MGAT5: variants seen among roughly 807,000 people sequenced by gnomAD.
MGAT5 encodes alpha-1,6-mannosylglycoprotein 6-beta-N-acetylglucosaminyltransferase.
A neutral mutation model predicts 94.3 loss-of-function variants in MGAT5; 30 were observed. That is an observed-to-expected ratio of 0.32 (90% CI 0.24 to 0.43). MGAT5 has a LOEUF of 0.43. Among genes scored for constraint, MGAT5 ranks in the 20% least tolerant of loss-of-function variants. The probability of loss-of-function intolerance (pLI) is 1.00; values close to 1 mark genes in which losing one functional copy is unlikely to be tolerated. For synonymous variants in MGAT5, 310 were observed against 322.9 expected, an observed-to-expected ratio of 0.96 and a Z score of 0.43; for missense variants, 691 against 905.5, an observed-to-expected ratio of 0.76 and a Z score of 3.04.
intron 10 of MGAT5, among the ~76,000 whole-genome samples, chr2:134,397,983 A>G (rs1347579722): frequency 6.6e-6 from 1 of 152,208 alleles, no homozygotes; most frequent in East Asian, 1.9e-4. Flanking sequence ...TAAATAAAAA[A>G]TAGGATTCAT....
intron 12 of MGAT5, among the ~76,000 whole-genome samples, chr2:134,414,344 A>G (rs539411066): frequency 6.6e-6 from 1 of 152,172 alleles, no homozygotes; most frequent in African/African-American, 2.4e-5. Context: ...CCGTGAACCT[A>G]TTCTTTTGAA....
At chr2:134,326,838 A>G (rs985798145) in intron 4 of MGAT5, among the ~76,000 whole-genome samples, 1 of 152,118 alleles carries the variant, frequency 6.6e-6, no homozygotes, top group Non-Finnish European at 1.5e-5. Context: ...GAAGGTGAGA[A>G]AATGATGTTG....
At chr2:134,162,315 T>C (rs1277260712) in intron 1 of MGAT5, among the ~76,000 whole-genome samples, 1 of 152,186 alleles carries the variant, frequency 6.6e-6, no homozygotes, top group East Asian at 1.9e-4. Context: ...GGTTGTCAGC[T>C]GAAACTCTGG....
At chr2:134,380,565 G>A (rs76229677) in intron 10 of MGAT5, among the ~76,000 whole-genome samples, 4,674 of 152,256 alleles carry the variant, frequency 0.031, 99 homozygotes, top group African/African-American at 0.052. Context: ...GTGAGCTTCC[G>A]TTTCTTCATC....
chr2:134,271,078 C>T (rs1248304594), intron 2 of MGAT5, among the ~76,000 whole-genome samples: 3 of 152,212 alleles, frequency 2.0e-5, no homozygotes, highest in East Asian at 1.9e-4. Flanking sequence ...CACTCATGTA[C>T]ACCACCATGC....
Position 134,362,425 on chromosome 2 carries a change from G to C in MGAT5, c.1380+17G>C. ...TTCTGGAAGGTGAGTCAGTCTGTGC[G>C]TGTCTCTCTCTCTGAAAAGAAGCTT... On this transcript the variant is annotated intron_variant, in intron 10 of 15. Transcript: ENST00000281923. The C allele has an allele frequency of 6.2e-7, 1 of 1,607,668 alleles. No individual in the cohort carries two copies. Among genetic ancestry groups the C allele is most frequent in the Non-Finnish European group, 8.5e-7 (1 of 1,177,866 alleles).
At chr2:134,403,166 A>ATT in intron 11 of MGAT5, 29 bp downstream of exon 11, 1 of 1,577,476 alleles carries the variant, frequency 6.3e-7, no homozygotes, top group Non-Finnish European at 8.6e-7. Context: ...TGTGGTGTTC[A>ATT]GGTTATTGCC....
In MGAT5 at chr2:134,452,012, T is replaced by TG. The variant is rs1417772638; in HGVS notation, c.*3166dup. On this transcript the variant is annotated 3_prime_UTR_variant, in exon 16 of 16. Transcript: ENST00000281923. ...TTTAGTGATATTTGTTTCCTTGATG[T>TG]GCCTTTTCGTTTTTCTTTGGGGTTT... The TG allele has an allele frequency of 6.6e-6, 1 of 152,252 alleles. No homozygotes were observed. The highest frequency in any genetic ancestry group is 2.4e-5 in the African/African-American group (1 of 41,464). 9.4% of individuals were successfully genotyped at this position (152,252 alleles called of 1,614,324 possible). A position where few individuals can be genotyped will look rare whatever the true frequency, so the allele number is the denominator to read the frequency against.
intron 4 of MGAT5, among the ~76,000 whole-genome samples, chr2:134,330,504 C>T (rs1687895553): frequency 6.6e-6 from 1 of 150,940 alleles, no homozygotes; most frequent in South Asian, 2.1e-4. Flanking sequence ...TCCCATGTAA[C>T]ATGTTGCTAG....
chr2:134,419,871 A>G (rs1258798150), intron 12 of MGAT5, among the ~76,000 whole-genome samples: 2 of 152,230 alleles, frequency 1.3e-5, no homozygotes, highest in South Asian at 2.1e-4. Context: ...AGTGACATTG[A>G]TGGCAACTTT....
intron 2 of MGAT5, among the ~76,000 whole-genome samples, chr2:134,278,162 G>A (rs1221516254): frequency 6.6e-6 from 1 of 152,166 alleles, no homozygotes; most frequent in Admixed American, 6.5e-5. Context: ...TGTTGGTATA[G>A]TTTTCACTTT....
At chr2:134,312,172 C>T (rs1037474721) in intron 2 of MGAT5, among the ~76,000 whole-genome samples, 1 of 152,150 alleles carries the variant, frequency 6.6e-6, no homozygotes, top group Admixed American at 6.5e-5. Flanking sequence ...ATTGCTTGAA[C>T]CTGGGAGGCT....
chr2:134,164,609 C>T (rs1235332401), intron 1 of MGAT5, among the ~76,000 whole-genome samples: 1 of 152,108 alleles, frequency 6.6e-6, no homozygotes, highest in Non-Finnish European at 1.5e-5. Context: ...TAGTGCCTCT[C>T]ATTTCTGATG....
At chr2:134,363,302 G>A (rs1220186564) in intron 10 of MGAT5, among the ~76,000 whole-genome samples, 1 of 152,120 alleles carries the variant, frequency 6.6e-6, no homozygotes, top group African/African-American at 2.4e-5. Context: ...TGATGTACAG[G>A]ATAAAGAATT....
intron 14 of MGAT5, among the ~76,000 whole-genome samples, chr2:134,433,549 T>C (rs1685001862): frequency 6.6e-6 from 1 of 152,172 alleles, no homozygotes; most frequent in Non-Finnish European, 1.5e-5. Context: ...GTTTCTTTTG[T>C]GGAAACAAAA....
At chr2:134,372,348 C>T (rs922705128) in intron 10 of MGAT5, among the ~76,000 whole-genome samples, 5 of 152,190 alleles carry the variant, frequency 3.3e-5, no homozygotes, top group African/African-American at 1.2e-4. Context: ...AACAGCCAAT[C>T]GCATAAATCC....
At chr2:134,416,446 G>A (rs1292425704) in intron 12 of MGAT5, among the ~76,000 whole-genome samples, 1 of 148,140 alleles carries the variant, frequency 6.8e-6, no homozygotes, top group Non-Finnish European at 1.5e-5. Context: ...TGTTCATGTT[G>A]TAGCCTGTTT....
At chr2:134,212,597 C>G (rs908713751) in intron 1 of MGAT5, among the ~76,000 whole-genome samples, 8 of 152,174 alleles carry the variant, frequency 5.3e-5, no homozygotes, top group Non-Finnish European at 8.8e-5. Flanking sequence ...CATAAAACCC[C>G]GTAAAATGAT....
intron 1 of MGAT5, among the ~76,000 whole-genome samples, chr2:134,198,231 T>C (rs755845930): frequency 1.3e-5 from 2 of 152,222 alleles, no homozygotes; most frequent in Non-Finnish European, 1.5e-5. Flanking sequence ...TCAGTGAGCC[T>C]GTTCACCAGC....
Sources: gnomAD v4.1 joint callset for allele counts (sites outside exome capture counted in the v4.1 genomes callset) on GRCh38, gnomAD v4.1.1 for gene constraint, MANE v1.5 for transcripts, NCBI Gene and HGNC (gene_info 2026-07-23, HGNC 2026-07-21) for gene names.